Variants in DCLK1 observed in about 807,000 individuals in gnomAD.
DCLK1 encodes doublecortin like kinase 1.
DCLK1 carries 16 observed loss-of-function variants against 86.2 expected under a neutral mutation model. The ratio of observed to expected loss-of-function variants is 0.19; its 90% CI spans 0.13 to 0.28. DCLK1 has a LOEUF of 0.28. Ranked by LOEUF, DCLK1 falls within the 10% of genes least tolerant of loss-of-function variation. DCLK1 has a pLI of 1.00. For synonymous variants in DCLK1, 369 were observed against 370.5 expected, an observed-to-expected ratio of 1.00 and a Z score of 0.05; for missense variants, 590 against 940.2, an observed-to-expected ratio of 0.63 and a Z score of 4.87.
rs150104862 is a variant in DCLK1, at chr13:36,109,520, T to C, written c.723+2349A>G. On this transcript the variant is annotated intron_variant, in intron 3 of 16. Coordinates refer to ENST00000360631, the MANE Select transcript of DCLK1 (RefSeq NM_001330071.2). Reference sequence around the variant, plus strand: ...GTTCTAATCTGTTAAATGGGGATAATAAGCAAGTTGTTATGAGGATTAAGC... The same window carrying C: ...GTTCTAATCTGTTAAATGGGGATAACAAGCAAGTTGTTATGAGGATTAAGC... Among the ~76,000 whole-genome samples, 4 of 152,318 alleles carry C rather than the reference T, an allele frequency of 2.6e-5. No homozygotes were observed. In the East Asian group the frequency reaches 5.8e-4, roughly 22 times the overall value.
intron 3 of DCLK1, among the ~76,000 whole-genome samples, chr13:36,074,311 G>T (rs192658665): frequency 7.8e-4 from 118 of 151,854 alleles, no homozygotes; most frequent in African/African-American, 2.6e-3. Context: ...GACCTTCCCG[G>T]CTAACACAGT....
chr13:36,008,197 T>C (rs1392630445), intron 3 of DCLK1, among the ~76,000 whole-genome samples: 4 of 58,834 alleles, frequency 6.8e-5, no homozygotes, highest in Non-Finnish European at 1.3e-4. Context: ...TCCACAGAGC[T>C]ATTTTATTAT....
intron 3 of DCLK1, among the ~76,000 whole-genome samples, chr13:36,065,310 G>C (rs1477158515): frequency 6.6e-6 from 1 of 152,120 alleles, no homozygotes; most frequent in Non-Finnish European, 1.5e-5. Context: ...TTAAACATGT[G>C]GGCACAGAAT....
At chr13:36,000,328 A>G (rs944140134) in intron 3 of DCLK1, among the ~76,000 whole-genome samples, 1 of 152,072 alleles carries the variant, frequency 6.6e-6, no homozygotes, top group East Asian at 1.9e-4. Context: ...TTGGATATCA[A>G]CCTGCAAGAA....
rs527951628 is a variant in DCLK1 at position 36,082,879 on chromosome 13, G to C, written c.723+28990C>G. On this transcript the variant is annotated intron_variant, in intron 3 of 16. Transcript: ENST00000360631. ...TCTTCCTTGCTCCCGGTGGAGAGAAGGGGATATACAAAGAGATGGCTGCAG... is the reference window on the plus strand; with the variant it reads ...TCTTCCTTGCTCCCGGTGGAGAGAACGGGATATACAAAGAGATGGCTGCAG... Among the ~76,000 whole-genome samples, 24 of 152,262 alleles carry C rather than the reference G, an allele frequency of 1.6e-4. 1 individual carries two copies. The highest frequency in any genetic ancestry group is 6.2e-4 in the South Asian group (3 of 4,816).
At chr13:35,925,485 G>A (rs936256903) in intron 4 of DCLK1, among the ~76,000 whole-genome samples, 2 of 152,158 alleles carry the variant, frequency 1.3e-5, no homozygotes, top group Non-Finnish European at 2.9e-5. Context: ...GCTAGCCTAG[G>A]ATCAGTCGAA....
At chr13:35,841,310 G>A (rs1177862240) in intron 6 of DCLK1, among the ~76,000 whole-genome samples, 6 of 152,136 alleles carry the variant, frequency 3.9e-5, no homozygotes, top group Admixed American at 6.5e-5. Context: ...TCAGGTACTC[G>A]ATACAGAGCT....
chr13:35,921,445 A>G (rs557345717), intron 4 of DCLK1, among the ~76,000 whole-genome samples: 2 of 152,306 alleles, frequency 1.3e-5, no homozygotes, highest in Non-Finnish European at 2.9e-5. Flanking sequence ...TTCAGGTTTC[A>G]GCAGAAATTC....
intron 3 of DCLK1, among the ~76,000 whole-genome samples, chr13:36,038,728 C>A (rs1251420817): frequency 1.3e-5 from 2 of 152,186 alleles, no homozygotes; most frequent in African/African-American, 4.8e-5. Context: ...AGCGCTATGA[C>A]AAGCACAGCA....
intron 16 of DCLK1, among the ~76,000 whole-genome samples, chr13:35,785,875 G>A (rs2086612808): frequency 6.6e-6 from 1 of 152,208 alleles, no homozygotes; most frequent in Admixed American, 6.5e-5. Flanking sequence ...AGTAAGGAGA[G>A]CGTGTACGTT....
chr13:36,095,076 G>A (rs1350244650), intron 3 of DCLK1, among the ~76,000 whole-genome samples: 1 of 151,674 alleles, frequency 6.6e-6, no homozygotes, highest in Non-Finnish European at 1.5e-5. Context: ...AACAGAAAAT[G>A]TTTTGTCAAG....
Position 36,045,330 on chromosome 13 carries a change from GTGTATATATATATATA to G in DCLK1, c.723+66523_723+66538del, listed in dbSNP as rs1315807434. Among the ~76,000 whole-genome samples the G allele has an allele frequency of 1.7e-3, 94 of 56,596 alleles. 2 individuals are homozygous for G. The South Asian group carries it at 0.02, about 12-fold the overall frequency. 37.1% of individuals were successfully genotyped at this position (56,596 alleles called of 152,430 possible). On this transcript the variant is annotated intron_variant, in intron 3 of 16. Coordinates refer to ENST00000360631, the MANE Select transcript of DCLK1 (RefSeq NM_001330071.2). ...TATATGTCTATATATGTGTGTGTGTGTGTATATATATATATATATATATATATATATATATATATAT... is the reference window on the plus strand; with the variant it reads ...TATATGTCTATATATGTGTGTGTGTGTATATATATATATATATATATATAT...
chr13:36,121,524 C>A (rs1885992149), intron 2 of DCLK1, among the ~76,000 whole-genome samples: 1 of 152,036 alleles, frequency 6.6e-6, no homozygotes, highest in Non-Finnish European at 1.5e-5. Flanking sequence ...ATTCACATAA[C>A]TTTTATTATA....
At chr13:35,906,651 C>T (rs1874706469) in intron 4 of DCLK1, among the ~76,000 whole-genome samples, 1 of 152,136 alleles carries the variant, frequency 6.6e-6, no homozygotes, top group South Asian at 2.1e-4. Flanking sequence ...CAGATAAAGT[C>T]TGGAAATGCA....
chr13:35,796,103 CAT>C (rs1404128235), intron 15 of DCLK1, among the ~76,000 whole-genome samples: 2 of 152,106 alleles, frequency 1.3e-5, no homozygotes, highest in African/African-American at 2.4e-5. Flanking sequence ...ATATTAGTAT[CAT>C]GTCTTGGCAG....
chr13:35,854,852 T>C (rs923237427), intron 5 of DCLK1, among the ~76,000 whole-genome samples: 2 of 152,198 alleles, frequency 1.3e-5, no homozygotes, highest in Admixed American at 6.5e-5. Context: ...TCCTGATGAA[T>C]GTATTAATGA....
intron 7 of DCLK1, among the ~76,000 whole-genome samples, chr13:35,837,128 G>C (rs1330873796): frequency 6.6e-6 from 1 of 152,194 alleles, no homozygotes; most frequent in Non-Finnish European, 1.5e-5. Flanking sequence ...TAAAACTTTA[G>C]GTGGTGAATG....
At chr13:36,014,685 T>C (rs1881458960) in intron 3 of DCLK1, among the ~76,000 whole-genome samples, 2 of 152,334 alleles carry the variant, frequency 1.3e-5, no homozygotes, top group Middle Eastern at 6.8e-3. Flanking sequence ...TATCTTTTTC[T>C]AGTCTGTAAA....
intron 2 of DCLK1, among the ~76,000 whole-genome samples, chr13:36,119,370 A>C (rs1480664050): frequency 3.9e-5 from 6 of 152,220 alleles, no homozygotes; most frequent in African/African-American, 1.2e-4. Context: ...TCACCATTAG[A>C]ACACTATAGT....
Sources: allele counts gnomAD v4.1 joint callset (sites outside exome capture counted in the v4.1 genomes callset), GRCh38; gene constraint gnomAD v4.1.1; transcripts MANE v1.5; gene names NCBI Gene and HGNC (gene_info 2026-07-23, HGNC 2026-07-21).